Variants in ANKS1B observed in about 807,000 individuals in gnomAD.
ANKS1B encodes the protein ankyrin repeat and sterile alpha motif domain-containing protein 1B.
ANKS1B carries 36 observed loss-of-function variants against 148.3 expected under a neutral mutation model. The observed-to-expected ratio is 0.24, with a 90% confidence interval of 0.19 to 0.32. The LOEUF is 0.32. ANKS1B is among the 10% of genes least tolerant of loss of function. ANKS1B has a pLI of 1.00. For synonymous variants in ANKS1B, 542 were observed against 560.8 expected, an observed-to-expected ratio of 0.97 and a Z score of 0.47; for missense variants, 1,157 against 1,542.6, an observed-to-expected ratio of 0.75 and a Z score of 4.19.
intron 8 of ANKS1B, among the ~76,000 whole-genome samples, chr12:99,713,104 T>G (rs2056854481): frequency 1.3e-5 from 2 of 152,178 alleles, no homozygotes; most frequent in South Asian, 4.1e-4. Flanking sequence ...AGGGAGTAAA[T>G]CCATCAAACA....
intron 12 of ANKS1B, among the ~76,000 whole-genome samples, chr12:99,282,211 C>G (rs1329818189): frequency 6.6e-6 from 1 of 152,090 alleles, no homozygotes; most frequent in Admixed American, 6.6e-5. Flanking sequence ...ATTTGGCTAC[C>G]TGGGAGAAGA....
At chr12:99,343,325 G>T (rs2090194561) in intron 12 of ANKS1B, among the ~76,000 whole-genome samples, 2 of 151,976 alleles carry the variant, frequency 1.3e-5, no homozygotes, top group African/African-American at 4.8e-5. Flanking sequence ...TAAATACATG[G>T]TTTATTTCTC....
intron 9 of ANKS1B, among the ~76,000 whole-genome samples, chr12:99,582,324 G>A (rs1432866930): frequency 2.0e-5 from 3 of 151,614 alleles, no homozygotes; most frequent in African/African-American, 7.3e-5. Context: ...ATAAGACTAT[G>A]TAATCCCACA....
rs531943777 is a variant in ANKS1B at position 99,534,012 on chromosome 12, A to T, written c.1273-29371T>A. Among the ~76,000 whole-genome samples the T allele has an allele frequency of 5.3e-5, 8 of 152,334 alleles. No individual in the cohort carries two copies. In the East Asian group the frequency reaches 1.3e-3, roughly 26 times the overall value. On this transcript the variant is annotated intron_variant, in intron 9 of 26. Transcript: ENST00000683438. ...TTTAACAGAAACATTAATTATTTTTAAAAAACCCTCTTTGTAGTCATTTAC... is the reference window on the plus strand; with the variant it reads ...TTTAACAGAAACATTAATTATTTTTTAAAAACCCTCTTTGTAGTCATTTAC...
At chr12:99,871,674 T>C (rs2091535695) in intron 1 of ANKS1B, among the ~76,000 whole-genome samples, 1 of 152,182 alleles carries the variant, frequency 6.6e-6, no homozygotes, top group Non-Finnish European at 1.5e-5. Context: ...TGTGTGTAGC[T>C]ATTGTAAGTG....
intron 9 of ANKS1B, among the ~76,000 whole-genome samples, chr12:99,536,229 G>T (rs548921774): frequency 6.6e-6 from 1 of 152,250 alleles, no homozygotes; most frequent in Admixed American, 6.5e-5. Context: ...TGAACTGAGG[G>T]TGATGATGAT....
At chr12:99,600,910 T>C (rs1171005562) in intron 9 of ANKS1B, among the ~76,000 whole-genome samples, 2 of 152,036 alleles carry the variant, frequency 1.3e-5, no homozygotes, top group East Asian at 3.9e-4. Context: ...GACCTACAAA[T>C]TCCTTCCTAC....
In ANKS1B at chr12:98,751,582, T is replaced by G. The variant is rs896265602; in HGVS notation, c.3580-60A>C. On this transcript the variant is annotated intron_variant, in intron 25 of 26. Transcript: ENST00000683438. This position sits in a 1 kb window ranked among gnomAD's most constrained non-coding sequence, Gnocchi z 4.3. ...ACACTGCAAATTAGAATGGGTCGAA[T>G]GGCTGAGGAACACTGAGGGAGGTGA... is the stretch of plus-strand genomic sequence containing the variant. 6.5e-7 allele frequency: 1 copy of G among 1,541,246 alleles called. No homozygotes were observed. Among genetic ancestry groups the G allele is most frequent in the Non-Finnish European group, 8.9e-7 (1 of 1,121,944 alleles).
chr12:99,053,570 T>C (rs1396055697), intron 16 of ANKS1B, among the ~76,000 whole-genome samples: 1 of 152,252 alleles, frequency 6.6e-6, no homozygotes, highest in Admixed American at 6.5e-5. Flanking sequence ...GAGCTAAACA[T>C]GTCAAACTTC....
chr12:99,541,632 A>G (rs2097127102), intron 9 of ANKS1B, among the ~76,000 whole-genome samples: 1 of 152,084 alleles, frequency 6.6e-6, no homozygotes, highest in Non-Finnish European at 1.5e-5. Context: ...AGGTGAGTGA[A>G]TCACCTGAGG....
intron 1 of ANKS1B, among the ~76,000 whole-genome samples, chr12:99,925,998 A>T (rs976480969): frequency 6.6e-6 from 1 of 152,206 alleles, no homozygotes; most frequent in African/African-American, 2.4e-5. Flanking sequence ...TTTTTAGGCC[A>T]GTGGGCCCCA....
chr12:99,401,259 A>G lies in ANKS1B; in HGVS notation c.1576-1448T>C, dbSNP rs534705646. Among the ~76,000 whole-genome samples, 60 of 146,168 alleles carry G rather than the reference A, an allele frequency of 4.1e-4. 10 individuals carry two copies. The highest frequency in any genetic ancestry group is 1.5e-3 in the African/African-American group (59 of 38,622). ...AAATGTCTGTCCTTGGGACTGCTGA[A>G]TCTCAATTTCACATTCAATGTCCTT... On this transcript the variant is annotated intron_variant, in intron 11 of 26. Transcript: ENST00000683438.
intron 1 of ANKS1B, among the ~76,000 whole-genome samples, chr12:99,899,376 C>T (rs186107511): frequency 6.6e-6 from 1 of 152,208 alleles, no homozygotes; most frequent in Non-Finnish European, 1.5e-5. Context: ...TATTGTTTCC[C>T]TCATAGCCTG....
At chr12:99,767,410 A>C (rs1221119966) in intron 8 of ANKS1B, among the ~76,000 whole-genome samples, 1 of 152,042 alleles carries the variant, frequency 6.6e-6, no homozygotes. Context: ...ATGTTTAAAA[A>C]AAAAACAAAA....
At chr12:98,743,573 G>A (rs959751529), downstream of ANKS1B, among the ~76,000 whole-genome samples, 10 of 152,018 alleles carry the variant, frequency 6.6e-5, no homozygotes, top group African/African-American at 1.4e-4. Context: ...TCCTTTTCCC[G>A]TCCCTGCTCT....
chr12:99,120,909 A>G (rs1269132717), intron 15 of ANKS1B, among the ~76,000 whole-genome samples: 1 of 152,170 alleles, frequency 6.6e-6, no homozygotes, highest in Non-Finnish European at 1.5e-5. Context: ...GCTCCTGGAC[A>G]TTGCATAATG....
intron 12 of ANKS1B, among the ~76,000 whole-genome samples, chr12:99,389,025 C>G (rs1314241219): frequency 1.3e-5 from 2 of 151,104 alleles, no homozygotes; most frequent in Non-Finnish European, 2.9e-5. Context: ...TTATGGGCCT[C>G]ACACACACTC....
At chr12:99,015,277 G>A (rs1298182817) in intron 17 of ANKS1B, among the ~76,000 whole-genome samples, 3 of 152,148 alleles carry the variant, frequency 2.0e-5, no homozygotes, top group Non-Finnish European at 4.4e-5. Context: ...CACAGGAACG[G>A]AAAAGCAAAT....
At chr12:98,784,882 C>T (rs2098775683) in intron 22 of ANKS1B, among the ~76,000 whole-genome samples, 1 of 152,190 alleles carries the variant, frequency 6.6e-6, no homozygotes, top group African/African-American at 2.4e-5. Flanking sequence ...GTGCACAGGC[C>T]TCTATGAATG....
Sources: gnomAD v4.1 joint callset for allele counts (sites outside exome capture counted in the v4.1 genomes callset) on GRCh38, gnomAD v4.1.1 for gene constraint, Gnocchi (gnomAD v3.1) non-coding constraint, MANE v1.5 for transcripts, NCBI Gene and HGNC (gene_info 2026-07-23, HGNC 2026-07-21) for gene names.